ATP6V0A1: variants seen among roughly 807,000 people sequenced by gnomAD.
ATP6V0A1 encodes ATPase H+ transporting V0 subunit a1, also known as V-type proton ATPase 116 kDa subunit a 1.
A neutral mutation model predicts 105.4 loss-of-function variants in ATP6V0A1; 43 were observed. The observed-to-expected ratio is 0.41, with a 90% CI of 0.32 to 0.53. The LOEUF (loss-of-function observed/expected upper bound fraction) is 0.53. Ranked by LOEUF, ATP6V0A1 falls within the 20% of genes least tolerant of loss-of-function variation. The pLI, the probability that ATP6V0A1 is intolerant of heterozygous loss-of-function variation, is 0.30. For synonymous variants in ATP6V0A1, 362 were observed against 372.8 expected, an observed-to-expected ratio of 0.97 and a Z score of 0.33; for missense variants, 676 against 1,051.1, an observed-to-expected ratio of 0.64 and a Z score of 4.93.
At chr17:42,497,521 A>G (rs907311300) in intron 14 of ATP6V0A1, among the ~76,000 whole-genome samples, 3 of 150,526 alleles carry the variant, frequency 2.0e-5, no homozygotes, top group African/African-American at 7.3e-5. Flanking sequence ...AAATACAAAA[A>G]AAATTAGCCA....
Position 42,458,933 on chromosome 17 carries a change from TCTGTGGCGGTTG to T in ATP6V0A1, c.-68_-57del, listed in dbSNP as rs1182470650. The T allele has an allele frequency of 1.3e-5, 2 of 153,322 alleles. No individual in the cohort carries two copies. The highest frequency in any genetic ancestry group is 4.8e-5 in the African/African-American group (2 of 41,482). 9.5% of individuals were successfully genotyped at this position (153,322 alleles called of 1,614,324 possible). ...GGGTGCGGGTTTGGCTGCGGTGGTTTCTGTGGCGGTTGCTGTGGCGGAGTTTGGAGGTGAGTG... is the reference window on the plus strand; with the variant it reads ...GGGTGCGGGTTTGGCTGCGGTGGTTTCTGTGGCGGAGTTTGGAGGTGAGTG... On this transcript the variant is annotated 5_prime_UTR_variant, in exon 1 of 22. Coordinates refer to ENST00000343619, the MANE Select transcript of ATP6V0A1 (RefSeq NM_001130021.3).
rs2086327392 is a variant in ATP6V0A1, at chr17:42,460,930, G to A, written c.36G>A (p.Leu12=). ...TTTTCCGGAGTGAAGAAATGACACT[G>A]GCCCAGCTTTTTCTACAGTCAGAGG... ...GELFRSEEMT[L]AQLFLQSEAA... The change falls in exon 2 of 22, where the codon CTG becomes CTA. Residue 12 remains leucine, a synonymous_variant. Transcript: ENST00000343619. The A allele has an allele frequency of 6.2e-7, 1 of 1,613,956 alleles. No homozygotes were observed. The highest frequency in any genetic ancestry group is 1.3e-5 in the African/African-American group (1 of 74,912).
intron 6 of ATP6V0A1, among the ~76,000 whole-genome samples, chr17:42,477,961 C>G (rs1448544283): frequency 6.6e-6 from 1 of 151,978 alleles, no homozygotes; most frequent in Admixed American, 6.6e-5. Context: ...TAAACCAACC[C>G]AAATGTCCAT....
At chr17:42,520,878 C>T (rs1237918747) in intron 21 of ATP6V0A1, 149 bp from the exon 22 acceptor site, 1 of 696,598 alleles carries the variant, frequency 1.4e-6, no homozygotes, top group East Asian at 2.5e-5. Flanking sequence ...AAAGTGGGAT[C>T]TCTGCACTCT....
intron 2 of ATP6V0A1, among the ~76,000 whole-genome samples, chr17:42,462,752 A>C (rs547491868): frequency 1.3e-5 from 2 of 151,130 alleles, no homozygotes; most frequent in African/African-American, 4.9e-5. Flanking sequence ...AGTTCTGTTA[A>C]TTTTTTTTTA....
intron 21 of ATP6V0A1, among the ~76,000 whole-genome samples, chr17:42,516,477 C>T (rs576672611): frequency 3.5e-4 from 54 of 152,314 alleles, no homozygotes; most frequent in Admixed American, 1.4e-3. Context: ...AGCCGACCCC[C>T]GCAAGCACAC....
At chr17:42,501,923 A>G (rs1469804152) in intron 17 of ATP6V0A1, among the ~76,000 whole-genome samples, 1 of 152,024 alleles carries the variant, frequency 6.6e-6, no homozygotes, top group African/African-American at 2.4e-5. Flanking sequence ...AGTCCCAGCT[A>G]CTTGGGAGGC....
At chr17:42,484,509 G>A (rs2089904333) in intron 9 of ATP6V0A1, among the ~76,000 whole-genome samples, 1 of 152,158 alleles carries the variant, frequency 6.6e-6, no homozygotes, top group Non-Finnish European at 1.5e-5. Flanking sequence ...CATCCTTGCG[G>A]TCACCTTTGA....
At chr17:42,463,545 G>A (rs761035599) in intron 2 of ATP6V0A1, among the ~76,000 whole-genome samples, 14 of 152,130 alleles carry the variant, frequency 9.2e-5, no homozygotes, top group Non-Finnish European at 1.8e-4. Context: ...GTAGTTCATT[G>A]TATGATTACA....
intron 8 of ATP6V0A1, among the ~76,000 whole-genome samples, chr17:42,481,930 C>T (rs1376772348): frequency 1.3e-5 from 2 of 151,632 alleles, no homozygotes; most frequent in Admixed American, 6.6e-5. Context: ...CAACCTTCAC[C>T]TCCAGGGTTC....
intron 1 of ATP6V0A1, among the ~76,000 whole-genome samples, chr17:42,459,574 G>A (rs889827831): frequency 6.6e-6 from 1 of 152,206 alleles, no homozygotes; most frequent in African/African-American, 2.4e-5. Flanking sequence ...GAGGACGGAG[G>A]CGACTCGTTG....
intron 9 of ATP6V0A1, among the ~76,000 whole-genome samples, 185 bp from the exon 10 acceptor site, chr17:42,486,970 T>C (rs1416654686): frequency 6.6e-6 from 1 of 152,170 alleles, no homozygotes; most frequent in African/African-American, 2.4e-5. Flanking sequence ...TAAATAAAAG[T>C]GAATGTTAGT....
chr17:42,487,784 T>C (rs1475160378), intron 10 of ATP6V0A1, among the ~76,000 whole-genome samples: 1 of 152,210 alleles, frequency 6.6e-6, no homozygotes, highest in Non-Finnish European at 1.5e-5. Context: ...GTCATTTTTA[T>C]GGCATTTCAC....
intron 2 of ATP6V0A1, among the ~76,000 whole-genome samples, chr17:42,463,470 C>T (rs1000142155): frequency 2.0e-5 from 3 of 152,156 alleles, no homozygotes; most frequent in Admixed American, 2.0e-4. Flanking sequence ...TGTCTGACTT[C>T]TTTCACTCAG....
chr17:42,491,389 C>T (rs2090609394), intron 11 of ATP6V0A1, among the ~76,000 whole-genome samples: 1 of 152,218 alleles, frequency 6.6e-6, no homozygotes. Flanking sequence ...TGGCTCACCG[C>T]AAGCTCTGCC....
chr17:42,497,309 A>C (rs1390114451), intron 14 of ATP6V0A1, among the ~76,000 whole-genome samples: 3 of 151,296 alleles, frequency 2.0e-5, no homozygotes, highest in African/African-American at 4.9e-5. Context: ...TCAAAAAAAA[A>C]AAAAAAAAAA....
chr17:42,481,863 A>G (rs147263519), intron 8 of ATP6V0A1, among the ~76,000 whole-genome samples: 1 of 151,172 alleles, frequency 6.6e-6, no homozygotes, highest in African/African-American at 2.5e-5. Context: ...TTTTTTTGAG[A>G]CAGAGTCTTG....
At chr17:42,487,764 TAAC>T (rs2090254300) in intron 10 of ATP6V0A1, among the ~76,000 whole-genome samples, 1 of 152,148 alleles carries the variant, frequency 6.6e-6, no homozygotes, top group South Asian at 2.1e-4. Flanking sequence ...AAATAAATAG[TAAC>T]ATTAATGTCA....
intron 7 of ATP6V0A1, chr17:42,480,211 T>G (rs954613206): frequency 1.3e-5 from 2 of 152,346 alleles, no homozygotes; most frequent in Non-Finnish European, 2.9e-5. Flanking sequence ...CCAGATTAGC[T>G]TGAATTGTGA....
Sources: gnomAD v4.1 joint callset for allele counts (sites outside exome capture counted in the v4.1 genomes callset) on GRCh38, gnomAD v4.1.1 for gene constraint, MANE v1.5 for transcripts, NCBI Gene and HGNC (gene_info 2026-07-23, HGNC 2026-07-21) for gene names.